Variants in SHISAL1 observed in about 807,000 individuals in gnomAD.
SHISAL1 encodes shisa like 1.
SHISAL1 carries 9 observed loss-of-function variants against 22.6 expected under a neutral mutation model. The observed-to-expected ratio is 0.40, with a 90% CI of 0.24 to 0.70. The LOEUF (loss-of-function observed/expected upper bound fraction) is 0.70. Among genes scored for constraint, SHISAL1 ranks in the 30% least tolerant of loss-of-function variants. The probability of loss-of-function intolerance (pLI) is 0.39; values close to 1 mark genes in which losing one functional copy is unlikely to be tolerated. For missense variants in SHISAL1, 246 were observed against 270.6 expected, an observed-to-expected ratio of 0.91 and a Z score of 0.64; for synonymous variants, 119 against 115.4, an observed-to-expected ratio of 1.03 and a Z score of -0.20.
chr22:44,253,795 C>G (rs546015383), intron 4 of SHISAL1, among the ~76,000 whole-genome samples: 7 of 151,326 alleles, frequency 4.6e-5, no homozygotes, highest in African/African-American at 1.7e-4. Flanking sequence ...TTGGCAAAAA[C>G]TAAAGTAAGG....
chr22:44,293,501 AG>A, intron 3 of SHISAL1, among the ~76,000 whole-genome samples: 1 of 152,218 alleles, frequency 6.6e-6, no homozygotes, highest in East Asian at 1.9e-4. Flanking sequence ...CCCACCATGG[AG>A]GGTGACCTGG....
upstream of SHISAL1, among the ~76,000 whole-genome samples, chr22:44,315,274 G>C (rs1049093769): frequency 6.6e-6 from 1 of 152,090 alleles, no homozygotes; most frequent in Admixed American, 6.6e-5. Context: ...GAAAAATAAT[G>C]ATTACAGTAC....
chr22:44,314,012 G>C (rs570383059), upstream of SHISAL1, among the ~76,000 whole-genome samples: 1 of 152,142 alleles, frequency 6.6e-6, no homozygotes, highest in Non-Finnish European at 1.5e-5. Context: ...GCAGCCTGAC[G>C]GGGTAGGGGC....
At chr22:44,331,436 C>T in the SHISAL1 span, among the ~76,000 whole-genome samples, 3 of 151,322 alleles carry the variant, frequency 2.0e-5, no homozygotes, top group Non-Finnish European at 4.4e-5. This position sits in a 1 kb window ranked among gnomAD's most constrained non-coding sequence, Gnocchi z 5.2. Context: ...CGGACCCCGG[C>T]CCAGGCGCGC....
chr22:44,330,539 G>A, the SHISAL1 span, among the ~76,000 whole-genome samples: 1 of 152,182 alleles, frequency 6.6e-6, no homozygotes, highest in Non-Finnish European at 1.5e-5. Flanking sequence ...TGAGGCTGGG[G>A]CAGCTAGCAA....
chr22:44,313,165 C>T (rs545716715), upstream of SHISAL1, among the ~76,000 whole-genome samples: 2 of 152,380 alleles, frequency 1.3e-5, no homozygotes, highest in South Asian at 4.1e-4. Flanking sequence ...AGAGACACTC[C>T]CTGTGAGATC....
chr22:44,303,370 G>C (rs2055446630), intron 1 of SHISAL1, among the ~76,000 whole-genome samples: 1 of 152,126 alleles, frequency 6.6e-6, no homozygotes, highest in African/African-American at 2.4e-5. Context: ...GAGGTCATCA[G>C]GGTGAAGTAG....
chr22:44,247,868 A>AGCCAC lies in SHISAL1; in HGVS notation c.*1812_*1816dup, dbSNP rs2055015753. The AGCCAC allele has an allele frequency of 6.6e-6, 1 of 151,878 alleles. No individual in the cohort carries two copies. Among genetic ancestry groups the AGCCAC allele is most frequent in the Admixed American group, 6.6e-5 (1 of 15,214 alleles). The allele number at this position is 151,878 out of a possible 1,614,324, so 9.4% of individuals were successfully genotyped here. ...CCTTCTGCCTTCCCTCTGGGTCCCC[A>AGCCAC]GCCACCTGGCTTTCTTGTGCCACCT... is the stretch of plus-strand genomic sequence containing the variant. On this transcript the variant is annotated 3_prime_UTR_variant, in exon 5 of 5. Coordinates refer to ENST00000381176, the MANE Select transcript of SHISAL1 (RefSeq NM_001099294.2).
intron 4 of SHISAL1, among the ~76,000 whole-genome samples, chr22:44,264,328 T>G (rs531946713): frequency 6.6e-6 from 1 of 152,314 alleles, no homozygotes; most frequent in Admixed American, 6.5e-5. Context: ...CGAGGCCTGC[T>G]GGGGACCAGA....
rs569171781 is a variant in SHISAL1, at chr22:44,247,922, A to G, written c.*1763T>C. On this transcript the variant is annotated 3_prime_UTR_variant, in exon 5 of 5. Coordinates refer to ENST00000381176, the MANE Select transcript of SHISAL1 (RefSeq NM_001099294.2). ...TTTCTTGTGCTTCCTTGAAACCACCAAGCCTGTGGCTGCCGCAGGATCTTT... is the reference window on the plus strand; with the variant it reads ...TTTCTTGTGCTTCCTTGAAACCACCGAGCCTGTGGCTGCCGCAGGATCTTT... 7.1e-6 allele frequency: 1 copy of G among 140,066 alleles called. No homozygotes were observed. Among genetic ancestry groups the G allele is most frequent in the Admixed American group, 8.0e-5 (1 of 12,472 alleles). The allele number at this position is 140,066 out of a possible 1,614,324, so 8.7% of individuals were successfully genotyped here.
chr22:44,325,618 G>C, the SHISAL1 span, among the ~76,000 whole-genome samples: 1 of 152,276 alleles, frequency 6.6e-6, no homozygotes, highest in Admixed American at 6.5e-5. Context: ...GGGTTTCAGA[G>C]TCCCGCCTGG....
At chr22:44,325,269 G>C in the SHISAL1 span, among the ~76,000 whole-genome samples, 1 of 150,364 alleles carries the variant, frequency 6.7e-6, no homozygotes, top group African/African-American at 2.5e-5. Context: ...AAAAGACCCT[G>C]CTGGACTCTC....
At chr22:44,301,320 C>T (rs1023521454) in intron 1 of SHISAL1, among the ~76,000 whole-genome samples, 1 of 152,192 alleles carries the variant, frequency 6.6e-6, no homozygotes, top group African/African-American at 2.4e-5. Flanking sequence ...GCCCGGCCAC[C>T]TCGAGGAGCT....
intron 4 of SHISAL1, among the ~76,000 whole-genome samples, chr22:44,272,044 G>A (rs971740798): frequency 3.3e-5 from 5 of 152,194 alleles, no homozygotes; most frequent in African/African-American, 7.2e-5. Context: ...GGGTGAAGCC[G>A]TGTGGGTCTC....
intron 4 of SHISAL1, among the ~76,000 whole-genome samples, chr22:44,250,053 T>C (rs1308028687): frequency 6.6e-6 from 1 of 152,216 alleles, no homozygotes; most frequent in African/African-American, 2.4e-5. Context: ...AGTCAACCTA[T>C]AAGACATCAG....
At chr22:44,279,946 TG>T (rs1224985883) in intron 4 of SHISAL1, among the ~76,000 whole-genome samples, 1 of 152,190 alleles carries the variant, frequency 6.6e-6, no homozygotes, top group African/African-American at 2.4e-5. Context: ...CCTTAAGATC[TG>T]AGATGTACAC....
Position 44,245,604 on chromosome 22 carries a change from C to T in SHISAL1, c.*4081G>A, listed in dbSNP as rs2054992881. ...ATGGTGATTGTGAAAGCAGCCGAGC[C>T]AGCGGAGGGGCCTGCCTGGGGATGG... is the stretch of plus-strand genomic sequence containing the variant. On this transcript the variant is annotated 3_prime_UTR_variant, in exon 5 of 5. Transcript: ENST00000381176. 6.6e-6 allele frequency: 1 copy of T among 152,460 alleles called. No individual in the cohort carries two copies. The highest frequency in any genetic ancestry group is 6.5e-5 in the Admixed American group (1 of 15,290). 9.4% of individuals were successfully genotyped at this position (152,460 alleles called of 1,614,324 possible). A position where few individuals can be genotyped will look rare whatever the true frequency, so the allele number is the denominator to read the frequency against.
At chr22:44,282,096 G>A (rs985465023) in intron 4 of SHISAL1, among the ~76,000 whole-genome samples, 1 of 152,224 alleles carries the variant, frequency 6.6e-6, no homozygotes, top group Admixed American at 6.5e-5. Flanking sequence ...GTTCAGCGGT[G>A]GCCTGGGGGC....
At chr22:44,278,807 A>C (rs946993348) in intron 4 of SHISAL1, among the ~76,000 whole-genome samples, 1 of 152,024 alleles carries the variant, frequency 6.6e-6, no homozygotes, top group Admixed American at 6.5e-5. Context: ...ATGCGGCGGG[A>C]GGAGCAGCAT....
Sources: gnomAD v4.1 joint callset for allele counts (sites outside exome capture counted in the v4.1 genomes callset) on GRCh38, gnomAD v4.1.1 for gene constraint, Gnocchi (gnomAD v3.1) non-coding constraint, MANE v1.5 for transcripts, NCBI Gene and HGNC (gene_info 2026-07-23, HGNC 2026-07-21) for gene names.